Variants in PCCA observed in about 807,000 individuals in gnomAD.
PCCA encodes the protein propionyl-CoA carboxylase subunit alpha.
PCCA carries 74 observed loss-of-function variants against 101.3 expected under a neutral mutation model. That is an observed-to-expected ratio of 0.73 (90% CI 0.61 to 0.89). PCCA has a LOEUF of 0.89. Among genes scored for constraint, PCCA ranks in the 40% least tolerant of loss-of-function variants. The probability of loss-of-function intolerance (pLI) is 0.00; values close to 1 mark genes in which losing one functional copy is unlikely to be tolerated. For synonymous variants in PCCA, 294 were observed against 313.6 expected, an observed-to-expected ratio of 0.94 and a Z score of 0.66; for missense variants, 891 against 907.0, an observed-to-expected ratio of 0.98 and a Z score of 0.23.
intron 18 of PCCA, among the ~76,000 whole-genome samples, chr13:100,341,975 A>ATATATATATATATATATC (rs1316743509): frequency 8.8e-6 from 1 of 113,284 alleles, no homozygotes; most frequent in African/African-American, 3.3e-5. Context: ...ATATATATAT[A>ATATATATATATATATATC]TATATATGTA....
At chr13:100,494,493 G>C (rs540598892) in intron 21 of PCCA, among the ~76,000 whole-genome samples, 1 of 152,004 alleles carries the variant, frequency 6.6e-6, no homozygotes, top group East Asian at 2.0e-4. Context: ...AGACCAGCCT[G>C]ACCAACATGG....
At chr13:100,216,419 T>A (rs1002559757) in intron 7 of PCCA, among the ~76,000 whole-genome samples, 2 of 152,170 alleles carry the variant, frequency 1.3e-5, no homozygotes, top group Non-Finnish European at 2.9e-5. Context: ...TACAGGCCAT[T>A]TCAGTATTAG....
intron 7 of PCCA, among the ~76,000 whole-genome samples, chr13:100,230,539 C>CAAAAA (rs112076583): frequency 9.8e-5 from 12 of 121,874 alleles, no homozygotes; most frequent in Non-Finnish European, 1.6e-4. Flanking sequence ...ACTCCCATCT[C>CAAAAA]AAAAAAAAAA....
chr13:100,202,111 C>T (rs147643156), intron 6 of PCCA, among the ~76,000 whole-genome samples: 5,379 of 143,870 alleles, frequency 0.037, 138 homozygotes, highest in Middle Eastern at 0.08. Flanking sequence ...AGGAGGATCA[C>T]TTGAGGCCAG....
chr13:100,339,581 C>T (rs1190011396), intron 17 of PCCA, among the ~76,000 whole-genome samples: 1 of 152,106 alleles, frequency 6.6e-6, no homozygotes, highest in Non-Finnish European at 1.5e-5. Flanking sequence ...TATCCCAGGT[C>T]CAGCTGTGTA....
At chr13:100,434,820 A>G (rs2079811921) in intron 20 of PCCA, among the ~76,000 whole-genome samples, 1 of 152,244 alleles carries the variant, frequency 6.6e-6, no homozygotes. Flanking sequence ...AGTGATTCTC[A>G]TGAAGTCGCT....
At chr13:100,369,559 A>G (rs535279914) in intron 19 of PCCA, among the ~76,000 whole-genome samples, 5 of 152,300 alleles carry the variant, frequency 3.3e-5, no homozygotes, top group East Asian at 1.9e-4. Context: ...AGAAGCTGAC[A>G]TTCTTGTGTG....
intron 21 of PCCA, among the ~76,000 whole-genome samples, chr13:100,451,487 G>C (rs770514319): frequency 2.0e-5 from 3 of 152,136 alleles, no homozygotes; most frequent in Admixed American, 6.5e-5. Context: ...TGGATGGAGA[G>C]GACTGCTTTC....
intron 10 of PCCA, among the ~76,000 whole-genome samples, chr13:100,263,636 G>GA (rs1387161871): frequency 4.6e-5 from 7 of 152,014 alleles, no homozygotes; most frequent in Non-Finnish European, 8.8e-5. Flanking sequence ...TCTAAAGTGA[G>GA]AAAAAATATC....
intron 18 of PCCA, among the ~76,000 whole-genome samples, chr13:100,355,881 C>T (rs1325060154): frequency 6.6e-6 from 1 of 152,000 alleles, no homozygotes; most frequent in Non-Finnish European, 1.5e-5. Context: ...TACAAAGCTA[C>T]AATAATCAAG....
intron 6 of PCCA, among the ~76,000 whole-genome samples, chr13:100,188,081 T>C (rs2057438038): frequency 6.6e-6 from 1 of 152,076 alleles, no homozygotes; most frequent in Non-Finnish European, 1.5e-5. Flanking sequence ...GATCACGAGG[T>C]CAAGAGATCG....
intron 19 of PCCA, among the ~76,000 whole-genome samples, chr13:100,402,613 A>G (rs1011577543): frequency 3.3e-5 from 5 of 152,132 alleles, no homozygotes; most frequent in Non-Finnish European, 5.9e-5. Context: ...TACAGTAATG[A>G]TTGTAATATA....
At position 100,394,714 on chromosome 13, in the gene PCCA, T is replaced by C. The variant is rs1214325222; in HGVS notation, c.1746+26140T>C. Among the ~76,000 whole-genome samples the C allele has an allele frequency of 1.3e-5, 2 of 152,214 alleles. No homozygotes were observed. The highest frequency in any genetic ancestry group is 2.9e-5 in the Non-Finnish European group (2 of 68,040). On this transcript the variant is annotated intron_variant, in intron 19 of 23. Coordinates refer to ENST00000376285, the MANE Select transcript of PCCA (RefSeq NM_000282.4). This position sits in a 1 kb window ranked among gnomAD's most constrained non-coding sequence, Gnocchi z 4.3. ...TGCACAGGTCAGGTCTGCTTCTCAA[T>C]AAATATGTTGAAAGAATGAAATATA...
chr13:100,314,452 C>A (rs2067173010), intron 16 of PCCA, among the ~76,000 whole-genome samples: 1 of 152,038 alleles, frequency 6.6e-6, no homozygotes, highest in Non-Finnish European at 1.5e-5. Context: ...TTCTTCAGTC[C>A]CTCTCCCCTT....
chr13:100,437,389 A>C (rs982060429), intron 20 of PCCA, among the ~76,000 whole-genome samples: 1 of 152,054 alleles, frequency 6.6e-6, no homozygotes, highest in Non-Finnish European at 1.5e-5. Context: ...CAGGGGCATA[A>C]ACATTGAGAA....
chr13:100,469,900 G>A (rs562432217), intron 21 of PCCA, among the ~76,000 whole-genome samples: 1 of 152,298 alleles, frequency 6.6e-6, no homozygotes, highest in Admixed American at 6.5e-5. Context: ...CTTTGTAAAA[G>A]TCACCCCCTG....
intron 22 of PCCA, among the ~76,000 whole-genome samples, chr13:100,526,402 C>A (rs1434728734): frequency 2.0e-5 from 3 of 152,240 alleles, no homozygotes; most frequent in African/African-American, 7.2e-5. Flanking sequence ...CGTCTCTCTT[C>A]CTATATTTCT....
intron 4 of PCCA, among the ~76,000 whole-genome samples, chr13:100,129,596 A>G (rs2050291260): frequency 6.6e-6 from 1 of 152,032 alleles, no homozygotes; most frequent in African/African-American, 2.4e-5. Context: ...TGGATTCCTA[A>G]TCTACATCCA....
intron 6 of PCCA, among the ~76,000 whole-genome samples, chr13:100,194,719 G>A (rs1369873947): frequency 1.3e-5 from 2 of 152,066 alleles, no homozygotes; most frequent in Non-Finnish European, 1.5e-5. Context: ...GCGCCCGGCC[G>A]TAAAATTAAA....
Sources: allele counts gnomAD v4.1 joint callset (sites outside exome capture counted in the v4.1 genomes callset), GRCh38; gene constraint gnomAD v4.1.1; non-coding constraint Gnocchi (gnomAD v3.1); transcripts MANE v1.5; gene names NCBI Gene and HGNC (gene_info 2026-07-23, HGNC 2026-07-21).